Variants in HTR2C observed in about 807,000 individuals in gnomAD.
HTR2C encodes 5-hydroxytryptamine (serotonin) receptor 2C, G protein-coupled.
In HTR2C, 5 loss-of-function variants were observed where a neutral mutation model predicts 21.0. That is an observed-to-expected ratio of 0.24 (90% CI 0.12 to 0.50). HTR2C has a LOEUF of 0.50. Among genes scored for constraint, HTR2C ranks in the 20% least tolerant of loss-of-function variants. The pLI is 0.98. For synonymous variants in HTR2C, 150 were observed against 145.3 expected (o/e 1.03, Z -0.23); for missense variants, 271 against 371.2 (o/e 0.73, Z 2.22).
intron 1 of HTR2C, among the ~76,000 whole-genome samples, chrX:114,601,531 T>G: frequency 9.2e-6 from 1 of 108,178 alleles, no homozygotes; most frequent in Middle Eastern, 4.7e-3. Flanking sequence ...AAAAGGACTT[T>G]CACAAGGTAA....
At chrX:114,683,509 G>T (rs1556413811) in intron 2 of HTR2C, among the ~76,000 whole-genome samples, 1 of 111,377 alleles carries the variant, frequency 9.0e-6, no homozygotes, top group African/African-American at 3.3e-5. Flanking sequence ...AGCTGGCCAG[G>T]CACAGTGGCT....
chrX:114,740,181 A>G (rs781821389), intron 4 of HTR2C, among the ~76,000 whole-genome samples: 2 of 106,303 alleles, frequency 1.9e-5, no homozygotes, highest in African/African-American at 7.1e-5. Context: ...ATACACATTT[A>G]TATATATATA....
intron 2 of HTR2C, among the ~76,000 whole-genome samples, chrX:114,691,024 C>T (rs1932091642): frequency 9.0e-6 from 1 of 110,983 alleles, no homozygotes; most frequent in Non-Finnish European, 1.9e-5. Flanking sequence ...TTATCATTCT[C>T]AATCCTTATA....
Position 114,881,772 on chromosome X carries a change from C to T in HTR2C, c.551-24817C>T, listed in dbSNP as rs151209650. Among the ~76,000 whole-genome samples, 26 of 110,074 alleles carry T rather than the reference C, an allele frequency of 2.4e-4. No individual in the cohort carries two copies. In the East Asian group the frequency reaches 7.1e-3, roughly 30 times the overall value. On this transcript the variant is annotated intron_variant, in intron 5 of 5. Transcript: ENST00000276198. ...TAGTTGGTTTGAAAATCAGGTAGTG[C>T]GAGTCCTCGTACTTTGCTCTTTTAT...
chrX:114,694,763 G>A (rs1440161941), intron 2 of HTR2C, among the ~76,000 whole-genome samples: 2 of 110,398 alleles, frequency 1.8e-5, no homozygotes, highest in Non-Finnish European at 3.8e-5. Flanking sequence ...CAAAGTGCTG[G>A]GATTACAGGC....
At chrX:114,738,544 A>T (rs1370444762) in intron 4 of HTR2C, among the ~76,000 whole-genome samples, 2 of 110,223 alleles carry the variant, frequency 1.8e-5, no homozygotes, top group Non-Finnish European at 3.8e-5. Flanking sequence ...GGAACAGAAA[A>T]CCAAACACCA....
At chrX:114,777,986 G>A (rs1392765007) in intron 4 of HTR2C, among the ~76,000 whole-genome samples, 1 of 112,226 alleles carries the variant, frequency 8.9e-6, no homozygotes, top group Non-Finnish European at 1.9e-5. Flanking sequence ...AATTCCTGTA[G>A]AAATGCATAA....
At chrX:114,736,345 A>G (rs1556424447) in intron 4 of HTR2C, among the ~76,000 whole-genome samples, 1 of 36,708 alleles carries the variant, frequency 2.7e-5, no homozygotes, top group Admixed American at 5.4e-4. Context: ...CTAAAAATAA[A>G]GGGGTAGGTG....
intron 2 of HTR2C, among the ~76,000 whole-genome samples, chrX:114,697,772 A>G (rs782107995): frequency 3.6e-5 from 4 of 112,076 alleles, no homozygotes; most frequent in African/African-American, 1.3e-4. Context: ...AACTGTATTG[A>G]CTAACAGTAT....
chrX:114,814,766 G>T, intron 4 of HTR2C, among the ~76,000 whole-genome samples: 1 of 100,003 alleles, frequency 1.0e-5, no homozygotes, highest in Non-Finnish European at 2.0e-5. Context: ...ATATATTATA[G>T]TATATATAAT....
chrX:114,884,610 C>T (rs782246800), intron 5 of HTR2C, among the ~76,000 whole-genome samples: 1 of 111,281 alleles, frequency 9.0e-6, no homozygotes, highest in Non-Finnish European at 1.9e-5. Flanking sequence ...GAGATGACAT[C>T]TGATACCTGT....
intron 4 of HTR2C, among the ~76,000 whole-genome samples, chrX:114,819,941 A>G (rs950162003): frequency 8.9e-6 from 1 of 111,790 alleles, no homozygotes; most frequent in Admixed American, 9.6e-5. Flanking sequence ...TAATGTTTAT[A>G]ATCTAATATC....
chrX:114,591,820 A>G (rs139442276), intron 1 of HTR2C, among the ~76,000 whole-genome samples: 2 of 112,324 alleles, frequency 1.8e-5, no homozygotes, highest in East Asian at 2.8e-4. Flanking sequence ...CATATTCTAC[A>G]ATACTTCCCT....
intron 2 of HTR2C, among the ~76,000 whole-genome samples, chrX:114,655,890 A>G (rs1930764324): frequency 9.0e-6 from 1 of 111,479 alleles, no homozygotes; most frequent in Non-Finnish European, 1.9e-5. Context: ...GGCTTTCTTC[A>G]TATTTCCATT....
intron 2 of HTR2C, among the ~76,000 whole-genome samples, chrX:114,658,512 G>A (rs189052941): frequency 1.4e-3 from 154 of 111,620 alleles, no homozygotes; most frequent in Middle Eastern, 4.6e-3. Context: ...GTGGATCGAT[G>A]AAGATTATCA....
intron 5 of HTR2C, among the ~76,000 whole-genome samples, chrX:114,867,261 G>A (rs961468091): frequency 9.0e-6 from 1 of 111,498 alleles, no homozygotes; most frequent in South Asian, 3.7e-4. Context: ...GAGCAATTAC[G>A]TTGAGCACTT....
rs188103740 is a variant in HTR2C at position 114,833,216 on chromosome X, A to G, written c.350-14787A>G. 6.0e-3 allele frequency among the ~76,000 whole-genome samples: 620 copies of G among 102,564 alleles called. 5 individuals carry two copies. The highest frequency in any genetic ancestry group is 0.021 in the African/African-American group (594 of 28,851). The allele number at this position is 102,564 out of a possible 115,157, so 89.1% of individuals were successfully genotyped here. On this transcript the variant is annotated intron_variant, in intron 4 of 5. Coordinates refer to ENST00000276198, the MANE Select transcript of HTR2C (RefSeq NM_000868.4). ...GTATCAGAATGATGCTGGCCTCATA[A>G]AATGACTTAGGGAGGATTCCCTCTT... is the stretch of plus-strand genomic sequence containing the variant.
At chrX:114,888,922 A>C (rs2071240262) in intron 5 of HTR2C, among the ~76,000 whole-genome samples, 1 of 111,705 alleles carries the variant, frequency 9.0e-6, no homozygotes, top group Non-Finnish European at 1.9e-5. Flanking sequence ...ATTTTAAATC[A>C]CTTATTTAAA....
At chrX:114,714,084 A>AG (rs782124331) in intron 2 of HTR2C, among the ~76,000 whole-genome samples, 1 of 112,065 alleles carries the variant, frequency 8.9e-6, no homozygotes. Context: ...AATTACACTG[A>AG]GGGGAGTTAT....
Sources: allele counts gnomAD v4.1 joint callset (sites outside exome capture counted in the v4.1 genomes callset), GRCh38; gene constraint gnomAD v4.1.1; transcripts MANE v1.5; gene names NCBI Gene and HGNC (gene_info 2026-07-23, HGNC 2026-07-21).